Variants in DNAH1 observed in about 807,000 individuals in gnomAD.
The protein encoded by DNAH1 is dynein axonemal heavy chain 1, also known as axonemal beta dynein heavy chain 1.
A neutral mutation model predicts 484.3 loss-of-function variants in DNAH1; 327 were observed. That is an observed-to-expected ratio of 0.68 (90% CI 0.62 to 0.74). The LOEUF (loss-of-function observed/expected upper bound fraction) is 0.74. Ranked by LOEUF, DNAH1 falls within the 30% of genes least tolerant of loss-of-function variation. The pLI, the probability that DNAH1 is intolerant of heterozygous loss-of-function variation, is 0.00. For synonymous variants in DNAH1, 2,192 were observed against 2,191.9 expected (o/e 1.00, Z 0.00); for missense variants, 5,052 against 5,546.8 (o/e 0.91, Z 2.83).
chr3:52,373,234 C>T lies in DNAH1; in HGVS notation c.6985+181C>T, dbSNP rs1313207865. ...GAGGGGCGGAGAGACGCCGCCGCCA[C>T]GGCTGCCGCAGCCTCTGGAAGCCTG... On this transcript the variant is annotated intron_variant, in intron 44 of 77. Transcript: ENST00000420323. 3.4e-5 allele frequency among the ~76,000 whole-genome samples: 5 copies of T among 145,424 alleles called. No individual in the cohort carries two copies. The East Asian group carries it at 5.8e-4, about 17-fold the overall frequency.
In DNAH1 at chr3:52,370,458, C is replaced by A; in HGVS notation, c.6259-19C>A. ...ATACTGTTCCTGTCTCAGCCTGATA[C>A]TGTTCCCTTCATCCCCAGGGCCTCA... On this transcript the variant is annotated intron_variant, in intron 39 of 77. Coordinates refer to ENST00000420323, the MANE Select transcript of DNAH1 (RefSeq NM_015512.5). 6.2e-7 allele frequency: 1 copy of A among 1,613,936 alleles called. No homozygotes were observed. Among genetic ancestry groups the A allele is most frequent in the Non-Finnish European group, 8.5e-7 (1 of 1,179,866 alleles).
chr3:52,390,663 G>T (rs577300941), intron 60 of DNAH1, among the ~76,000 whole-genome samples: 5 of 152,182 alleles, frequency 3.3e-5, no homozygotes, highest in South Asian at 2.1e-4. Flanking sequence ...CTGTCTGTGG[G>T]TTTCTCTGTC....
Position 52,368,594 on chromosome 3 carries a change from A to T in DNAH1, c.5766-147A>T. ...CACCATGTGACACCAAAAAAATCCC[A>T]CTTTTCCTATTATAATTTTTAAAAG... On this transcript the variant is annotated intron_variant, in intron 36 of 77. Coordinates refer to ENST00000420323, the MANE Select transcript of DNAH1 (RefSeq NM_015512.5). The surrounding 1 kb of genome is among the most constrained non-coding windows in gnomAD (Gnocchi z 4.4). 1 of 867,200 alleles carries T rather than the reference A, an allele frequency of 1.2e-6. No homozygotes were observed. Among genetic ancestry groups the T allele is most frequent in the Non-Finnish European group, 1.7e-6 (1 of 574,434 alleles). The allele number at this position is 867,200 out of a possible 1,614,324, so 53.7% of individuals were successfully genotyped here.
chr3:52,370,082 A>G (rs1578157604), intron 38 of DNAH1, 28 bp from the exon 39 acceptor site: 2 of 1,613,742 alleles, frequency 1.2e-6, no homozygotes, highest in Admixed American at 1.7e-5. Context: ...GCTGCCAGCC[A>G]TGAGAACTGG....
Position 52,353,514 on chromosome 3 carries a change from A to G in DNAH1, c.3361A>G (p.Asn1121Asp). 1 of 1,613,930 alleles carries G rather than the reference A, an allele frequency of 6.2e-7. No individual in the cohort carries two copies. The highest frequency in any genetic ancestry group is 2.2e-5 in the East Asian group (1 of 44,884). ...GACACTGTCCAACCAGATCAACATC[A>G]ATGTCAGGCCCAAGGCCAACCTGAC... ...WETLSNQINI[N>D]VRPKANLTFA... Residue 1121 changes from asparagine to aspartate, a missense_variant, in exon 20 of 78, where the codon AAT (asparagine) becomes GAT (aspartate). Asn to Asp is a conservative substitution (Grantham distance 23, BLOSUM62 1). Around this residue, in one of 4 missense-constraint regions of DNAH1, gnomAD observed 2,929 missense variants for 3,409.4 expected, o/e 0.86. Coordinates refer to ENST00000420323, the MANE Select transcript of DNAH1 (RefSeq NM_015512.5). This position sits in a 1 kb window ranked among gnomAD's most constrained non-coding sequence, Gnocchi z 5.0.
chr3:52,348,755 T>A, intron 12 of DNAH1, 133 bp from the exon 13 acceptor site: 1 of 930,302 alleles, frequency 1.1e-6, no homozygotes, highest in Non-Finnish European at 1.6e-6. Flanking sequence ...TTGGTCACCC[T>A]GCCACCCTCT....
At chr3:52,375,478 G>A in intron 45 of DNAH1, 65 bp downstream of exon 45, 1 of 1,554,490 alleles carries the variant, frequency 6.4e-7, no homozygotes, top group Non-Finnish European at 8.7e-7. Flanking sequence ...CCACACCAAG[G>A]ACAACTGGGT....
Position 52,367,793 on chromosome 3 carries a change from G to A in DNAH1, c.5765+906G>A, listed in dbSNP as rs572441221. Among the ~76,000 whole-genome samples the A allele has an allele frequency of 7.9e-5, 12 of 152,274 alleles. No homozygotes were observed. The South Asian group carries it at 2.1e-3, about 26-fold the overall frequency. Reference sequence around the variant, plus strand: ...TCACCATGTTGGTCAGGCTGGCCTCGAACTCCCTACCTCAGGTGATCTGCC... The same window carrying A: ...TCACCATGTTGGTCAGGCTGGCCTCAAACTCCCTACCTCAGGTGATCTGCC... On this transcript the variant is annotated intron_variant, in intron 36 of 77. Coordinates refer to ENST00000420323, the MANE Select transcript of DNAH1 (RefSeq NM_015512.5).
rs571222740 is a variant in DNAH1, at chr3:52,385,083, C to T, written c.8514+106C>T. The T allele has an allele frequency of 6.1e-5, 83 of 1,351,780 alleles. 1 individual carries two copies. In the African/African-American group the frequency reaches 9.7e-4, roughly 16 times the overall value. 83.7% of individuals were successfully genotyped at this position (1,351,780 alleles called of 1,614,324 possible). The stretch of plus-strand genomic sequence containing the variant: ...CCATGCTCCGCCTTTCAAACTGCAG[C>T]CCACGACGTTGAAGTGGGTGGCTTC... On this transcript the variant is annotated intron_variant, in intron 53 of 77. Coordinates refer to ENST00000420323, the MANE Select transcript of DNAH1 (RefSeq NM_015512.5).
chr3:52,393,126 G>C (rs983334531), intron 65 of DNAH1, 101 bp downstream of exon 65: 28 of 1,468,130 alleles, frequency 1.9e-5, no homozygotes, highest in African/African-American at 2.8e-5. Flanking sequence ...GTTCACTGGC[G>C]TACACTCTCC....
chr3:52,337,604 T>C (rs896173299), intron 8 of DNAH1, among the ~76,000 whole-genome samples: 2 of 152,242 alleles, frequency 1.3e-5, no homozygotes, highest in Non-Finnish European at 2.9e-5. Flanking sequence ...ATAATCATTA[T>C]GTGTATTGTA....
At chr3:52,340,588 C>T (rs1015130168) in intron 8 of DNAH1, among the ~76,000 whole-genome samples, 1 of 152,022 alleles carries the variant, frequency 6.6e-6, no homozygotes, top group African/African-American at 2.4e-5. Context: ...GTGGTTACCA[C>T]CACGCCTAGC....
At chr3:52,356,331 G>A (rs1702606861) in intron 21 of DNAH1, among the ~76,000 whole-genome samples, 1 of 152,210 alleles carries the variant, frequency 6.6e-6, no homozygotes, top group Admixed American at 6.5e-5. Flanking sequence ...GCGTGGGTGT[G>A]TTCCTCCCTT....
At chr3:52,316,049 G>C (rs1700938888), upstream of DNAH1, among the ~76,000 whole-genome samples, 1 of 152,160 alleles carries the variant, frequency 6.6e-6, no homozygotes, top group African/African-American at 2.4e-5. Context: ...GCAGTGAGTG[G>C]TTCTGTGAGC....
At position 52,339,526 on chromosome 3, in the gene DNAH1, G is replaced by A. The variant is rs77715869; in HGVS notation, c.1287-4964G>A. 5.9e-3 allele frequency among the ~76,000 whole-genome samples: 892 copies of A among 152,198 alleles called. 10 individuals are homozygous for A. The highest frequency in any genetic ancestry group is 0.02 in the African/African-American group (843 of 41,524). On this transcript the variant is annotated intron_variant, in intron 8 of 77. Coordinates refer to ENST00000420323, the MANE Select transcript of DNAH1 (RefSeq NM_015512.5). The stretch of plus-strand genomic sequence containing the variant: ...ACTCGTTTAAGGCTATTTAGCTGAA[G>A]TATTGTGTTACAGTTTTCTTCTGCT...
rs1371350970 is a variant in DNAH1 at position 52,394,482 on chromosome 3, C to A, written c.10644C>A (p.Leu3548=). 2.5e-6 allele frequency: 4 copies of A among 1,613,890 alleles called. No individual in the cohort carries two copies. Among genetic ancestry groups the A allele is most frequent in the Non-Finnish European group, 3.4e-6 (4 of 1,179,884 alleles). The change falls in exon 67 of 78, where the codon CTC becomes CTA. Residue 3548 remains leucine (L), a synonymous_variant. Coordinates refer to ENST00000420323, the MANE Select transcript of DNAH1 (RefSeq NM_015512.5). ...GKINQSEWRY[L]LSGGSISIMT... is the part of the protein sequence containing the mutation. ...CCTGCCAGAGTGAGTGGCGATACCT[C>A]CTGTCTGGGGGCTCCATCTCGATCA...
intron 8 of DNAH1, among the ~76,000 whole-genome samples, chr3:52,336,870 C>T (rs1161386775): frequency 6.6e-6 from 1 of 152,162 alleles, no homozygotes; most frequent in Non-Finnish European, 1.5e-5. Flanking sequence ...GGTGATGCCT[C>T]CAGCTTTGTT....
At chr3:52,369,107 C>G (rs1703208816) in intron 37 of DNAH1, among the ~76,000 whole-genome samples, 189 bp downstream of exon 37, 1 of 152,318 alleles carries the variant, frequency 6.6e-6, no homozygotes, top group Admixed American at 6.5e-5. Context: ...AGTGCCCCTC[C>G]CTGAGCTCCC....
At position 52,353,332 on chromosome 3, in the gene DNAH1, C is replaced by G; in HGVS notation, c.3226+31C>G. On this transcript the variant is annotated intron_variant, in intron 19 of 77. Coordinates refer to ENST00000420323, the MANE Select transcript of DNAH1 (RefSeq NM_015512.5). This position sits in a 1 kb window ranked among gnomAD's most constrained non-coding sequence, Gnocchi z 5.0. ...GAGCCAAGCCGGCCAATCCCCTCCT[C>G]CCTGCCTCTGCCGCCTGCCTCTCAT... 1.2e-6 allele frequency: 2 copies of G among 1,608,888 alleles called. No individual in the cohort carries two copies. The highest frequency in any genetic ancestry group is 1.7e-6 in the Non-Finnish European group (2 of 1,176,262).
Sources: allele counts gnomAD v4.1 joint callset (sites outside exome capture counted in the v4.1 genomes callset), GRCh38; gene constraint gnomAD v4.1.1; regional missense constraint gnomAD v4.1.1; non-coding constraint Gnocchi (gnomAD v3.1); transcripts MANE v1.5; gene names NCBI Gene and HGNC (gene_info 2026-07-23, HGNC 2026-07-21).